The following TAOK2 variants were observed in gnomAD, a reference collection of about 807,000 sequenced individuals.
The protein encoded by TAOK2 is serine/threonine-protein kinase TAO2.
In TAOK2, 42 loss-of-function variants were observed where a neutral mutation model predicts 122.5. The observed-to-expected ratio is 0.34, with a 90% confidence interval of 0.27 to 0.44. TAOK2 has a LOEUF of 0.44. Among genes scored for constraint, TAOK2 ranks in the 20% least tolerant of loss-of-function variants. The probability of loss-of-function intolerance (pLI) is 1.00; values close to 1 mark genes in which losing one functional copy is unlikely to be tolerated. For missense variants in TAOK2, 1,264 were observed against 1,644.9 expected, an observed-to-expected ratio of 0.77 and a Z score of 4.01; for synonymous variants, 704 against 677.6, an observed-to-expected ratio of 1.04 and a Z score of -0.61.
downstream of TAOK2, chr16:29,991,349 C>A (rs754318944): frequency 1.2e-5 from 19 of 1,595,200 alleles, no homozygotes; most frequent in African/African-American, 2.7e-5. This position sits in a 1 kb window ranked among gnomAD's most constrained non-coding sequence, Gnocchi z 5.6. Flanking sequence ...CTCCCCCAGG[C>A]CCCCCAAACT....
chr16:29,987,593 G>A lies in TAOK2; in HGVS notation c.3321G>A (p.Gly1107=). 6.2e-7 allele frequency: 1 copy of A among 1,612,490 alleles called. No homozygotes were observed. The highest frequency in any genetic ancestry group is 8.5e-7 in the Non-Finnish European group (1 of 1,179,002). Residue 1107 remains glycine (G), a synonymous_variant, in exon 16 of 16, where the codon GGG becomes GGA. Transcript: ENST00000308893. ...FRALQGCGAV[G]DRGLFALYPK... ...CCCTGCAGGGCTGTGGGGCTGTGGG[G>A]GACCGGGGTCTGTTTGCACTGTACC...
Position 29,983,532 on chromosome 16 carries a change from C to T in TAOK2, c.1290C>T (p.Tyr430=). ...PGSDNLYDDP[Y]QPEITPSPLQ... is the part of the protein sequence containing the mutation. ...CTGACAACCTATATGATGACCCCTA[C>T]CAGCCAGAGATAACCCCCAGCCCTC... Residue 430 remains tyrosine (Y), a synonymous_variant, in exon 13 of 16, where the codon TAC becomes TAT. Transcript: ENST00000308893. 6.2e-7 allele frequency: 1 copy of T among 1,613,504 alleles called. No homozygotes were observed. Among genetic ancestry groups the T allele is most frequent in the African/African-American group, 1.3e-5 (1 of 75,002 alleles).
Position 29,988,368 on chromosome 16 carries a change from A to G in TAOK2, c.*388A>G. On this transcript the variant is annotated 3_prime_UTR_variant, in exon 16 of 16. Coordinates refer to ENST00000308893, the MANE Select transcript of TAOK2 (RefSeq NM_016151.4). ...CCCCCACCAAAAAAAGAAAAAGACA[A>G]ACACAAATAAAATATCTGAGCGGAA... 1 of 1,337,602 alleles carries G rather than the reference A, an allele frequency of 7.5e-7. No homozygotes were observed. Among genetic ancestry groups the G allele is most frequent in the Non-Finnish European group, 9.8e-7 (1 of 1,021,030 alleles). The allele number at this position is 1,337,602 out of a possible 1,614,324, so 82.9% of individuals were successfully genotyped here.
chr16:29,991,823 G>A (rs2069976805), downstream of TAOK2: 1 of 413,554 alleles, frequency 2.4e-6, no homozygotes, highest in Non-Finnish European at 4.2e-6. This position sits in a 1 kb window ranked among gnomAD's most constrained non-coding sequence, Gnocchi z 5.6. Context: ...CGCCACCTAG[G>A]AAAGGAGGGA....
chr16:29,980,327 C>T (rs1028443549), intron 8 of TAOK2: 1 of 152,236 alleles, frequency 6.6e-6, no homozygotes, highest in Non-Finnish European at 1.5e-5. Context: ...TCAACAGCCT[C>T]CTGCAGTGAT....
Position 29,987,380 on chromosome 16 carries a change from A to C in TAOK2, c.3108A>C (p.Arg1036=). The C allele has an allele frequency of 2.5e-6, 4 of 1,600,344 alleles. No individual in the cohort carries two copies. The highest frequency in any genetic ancestry group is 3.4e-6 in the Non-Finnish European group (4 of 1,171,726). The change falls in exon 16 of 16, where the codon CGA becomes CGC. Residue 1036 remains arginine, a synonymous_variant. Transcript: ENST00000308893. ...CCGTCCTGGGCCTGAGCTGGCGCCG[A>C]GGCCTCATGGGTGTTCCCCTGGGCC... is the stretch of plus-strand genomic sequence containing the variant. ...LGAVLGLSWR[R]GLMGVPLGLG... is the part of the protein sequence containing the mutation.
In TAOK2 at chr16:29,979,093, C is replaced by T. The variant is rs199970374; in HGVS notation, c.449+23C>T. The T allele has an allele frequency of 6.2e-7, 1 of 1,613,928 alleles. No homozygotes were observed. Among genetic ancestry groups the T allele is most frequent in the East Asian group, 2.2e-5 (1 of 44,872 alleles). On this transcript the variant is annotated intron_variant, in intron 6 of 15. Transcript: ENST00000308893. This position sits in a 1 kb window ranked among gnomAD's most constrained non-coding sequence, Gnocchi z 4.1. ...TAGGTACAAGCAGCACCGGCAGTGCCTGGGAGGGGAGTGCTATCTGCACCA... is the reference window on the plus strand; with the variant it reads ...TAGGTACAAGCAGCACCGGCAGTGCTTGGGAGGGGAGTGCTATCTGCACCA...
At position 29,987,450 on chromosome 16, in the gene TAOK2, C is replaced by A; in HGVS notation, c.3178C>A (p.Leu1060Met). 1 of 1,598,526 alleles carries A rather than the reference C, an allele frequency of 6.3e-7. No homozygotes were observed. The highest frequency in any genetic ancestry group is 8.5e-7 in the Non-Finnish European group (1 of 1,170,390). Residue 1060 changes from leucine to methionine, a missense_variant, in exon 16 of 16, where the codon CTG (leucine) becomes ATG (methionine). Transcript: ENST00000308893. The stretch of plus-strand genomic sequence containing the variant: ...AGCTTGGCCAGGCCTAGCTCTACCT[C>A]TGGTGGCTATGGCAGCGGGGGGCAG... ...LLAWPGLALP[L>M]VAMAAGGRWV...
At chr16:29,981,583 C>T (rs2069616966) in intron 8 of TAOK2, 78 bp from the exon 9 acceptor site, 2 of 1,377,218 alleles carry the variant, frequency 1.5e-6, no homozygotes, top group Non-Finnish European at 2.1e-6. Flanking sequence ...GGTTTGAACC[C>T]AAGTCGTCTC....
In TAOK2 at chr16:29,988,111, C is replaced by T. The variant is rs543065739; in HGVS notation, c.*131C>T. The T allele has an allele frequency of 6.5e-5, 93 of 1,434,236 alleles. No homozygotes were observed. Among genetic ancestry groups the T allele is most frequent in the Non-Finnish European group, 8.0e-5 (88 of 1,099,236 alleles). 88.8% of individuals were successfully genotyped at this position (1,434,236 alleles called of 1,614,324 possible). On this transcript the variant is annotated 3_prime_UTR_variant, in exon 16 of 16. Transcript: ENST00000308893. ...TCAGTTTGCTCACTTACCCCAGGCC[C>T]AGCCCTTCGGACCTCTAGACAGGCA...
At position 29,985,543 on chromosome 16, in the gene TAOK2, C is replaced by T. The variant is rs886400996; in HGVS notation, c.1753C>T (p.Arg585Trp). The change falls in exon 14 of 16, where the codon CGG becomes TGG. Residue 585 changes from arginine (R) to tryptophan (W), a missense_variant. Arg to Trp is a moderately radical substitution (Grantham distance 101). This residue lies in a region of TAOK2 where 824 missense variants were observed against 908.7 expected (regional missense o/e 0.91). Coordinates refer to ENST00000308893, the MANE Select transcript of TAOK2 (RefSeq NM_016151.4). The surrounding 1 kb of genome is among the most constrained non-coding windows in gnomAD (Gnocchi z 6.9). Reference protein sequence around the residue: ...ELAALLEAQKRTYKLRKEQLK... With the variant: ...ELAALLEAQKWTYKLRKEQLK... ...GGCTGCCCTGCTGGAGGCACAGAAGCGGACCTACAAACTTCGCAAGGAACA... is the reference window on the plus strand; with the variant it reads ...GGCTGCCCTGCTGGAGGCACAGAAGTGGACCTACAAACTTCGCAAGGAACA... The T allele has an allele frequency of 1.2e-6, 2 of 1,605,074 alleles. No homozygotes were observed. Among genetic ancestry groups the T allele is most frequent in the Non-Finnish European group, 1.7e-6 (2 of 1,174,578 alleles).
chr16:29,989,472 C>T, downstream of TAOK2: 5 of 1,510,660 alleles, frequency 3.3e-6, no homozygotes, highest in South Asian at 5.2e-5. Context: ...CTGCTTCTGT[C>T]TCCTCTCCTC....
Position 29,979,394 on chromosome 16 carries a change from C to G in TAOK2, c.564-23C>G. 1 of 1,603,298 alleles carries G rather than the reference C, an allele frequency of 6.2e-7. No individual in the cohort carries two copies. Among genetic ancestry groups the G allele is most frequent in the East Asian group, 2.2e-5 (1 of 44,782 alleles). On this transcript the variant is annotated intron_variant, in intron 7 of 15. Transcript: ENST00000308893. This position sits in a 1 kb window ranked among gnomAD's most constrained non-coding sequence, Gnocchi z 4.1. The stretch of plus-strand genomic sequence containing the variant: ...CAGGGTCTCGGCGGGTGATTTGCCT[C>G]TCTCTCCTGACCATTCTCCTAGGAT...
intron 13 of TAOK2, among the ~76,000 whole-genome samples, chr16:29,984,500 T>C (rs764291061): frequency 6.6e-6 from 1 of 152,252 alleles, no homozygotes; most frequent in Non-Finnish European, 1.5e-5. Context: ...TATGTTCTTA[T>C]GGCCTCTGCT....
rs565889860 is a variant in TAOK2 at position 29,986,642 on chromosome 16, C to T, written c.2370C>T (p.Gly790=). 67 of 1,611,286 alleles carry T rather than the reference C, an allele frequency of 4.2e-5. No individual in the cohort carries two copies. Among genetic ancestry groups the T allele is most frequent in the Middle Eastern group, 1.7e-4 (1 of 6,038 alleles). Residue 790 remains glycine (G), a synonymous_variant, in exon 16 of 16, where the codon GGC becomes GGT. Transcript: ENST00000308893. This position sits in a 1 kb window ranked among gnomAD's most constrained non-coding sequence, Gnocchi z 4.2. Reference sequence around the variant, plus strand: ...CAGTCCTGGACCAAAGAATGCTTGGCGAGGAGGAGGAAGCAGTTGGAGAGA... The same window carrying T: ...CAGTCCTGGACCAAAGAATGCTTGGTGAGGAGGAGGAAGCAGTTGGAGAGA... The part of the protein sequence containing the change: ...QEAVLDQRML[G]EEEEAVGERR...
chr16:29,988,474 GC>G, downstream of TAOK2: 1 of 1,222,038 alleles, frequency 8.2e-7, no homozygotes, highest in Non-Finnish European at 1.0e-6. Context: ...CTGACCCTCG[GC>G]CCGGCTCCAT....
chr16:29,991,715 C>G, downstream of TAOK2: 2 of 1,102,682 alleles, frequency 1.8e-6, no homozygotes, highest in Middle Eastern at 3.3e-4. The surrounding 1 kb of genome is among the most constrained non-coding windows in gnomAD (Gnocchi z 5.6). Context: ...TCATGAGCTT[C>G]TTGGGGCTGG....
intron 2 of TAOK2, 53 bp downstream of exon 2, chr16:29,977,957 G>T: frequency 6.2e-7 from 1 of 1,613,176 alleles, no homozygotes; most frequent in Non-Finnish European, 8.5e-7. Flanking sequence ...TCCTATCCCT[G>T]TGGACTTCCC....
chr16:29,984,129 G>A (rs1004214937), intron 13 of TAOK2, among the ~76,000 whole-genome samples: 2 of 152,194 alleles, frequency 1.3e-5, no homozygotes, highest in Non-Finnish European at 2.9e-5. Flanking sequence ...GTGCCCCAGA[G>A]GGCAGGGATG....
Sources: gnomAD v4.1 joint callset for allele counts (sites outside exome capture counted in the v4.1 genomes callset) on GRCh38, gnomAD v4.1.1 for gene constraint, gnomAD v4.1.1 regional missense constraint, Gnocchi (gnomAD v3.1) non-coding constraint, MANE v1.5 for transcripts, NCBI Gene and HGNC (gene_info 2026-07-23, HGNC 2026-07-21) for gene names.